Variants in PXDN observed in about 807,000 individuals in gnomAD.
The protein encoded by PXDN is peroxidasin homolog.
A neutral mutation model predicts 140.3 loss-of-function variants in PXDN; 77 were observed. The observed-to-expected ratio is 0.55, with a 90% CI of 0.46 to 0.66. The LOEUF is 0.66. Ranked by LOEUF, PXDN falls within the 30% of genes least tolerant of loss-of-function variation. The pLI, the probability that PXDN is intolerant of heterozygous loss-of-function variation, is 0.00. For missense variants in PXDN, 1,838 were observed against 2,039.5 expected, an observed-to-expected ratio of 0.90 and a Z score of 1.90; for synonymous variants, 911 against 857.4, an observed-to-expected ratio of 1.06 and a Z score of -1.09.
chr2:1,705,975 C>T (rs1289797234), intron 1 of PXDN, among the ~76,000 whole-genome samples: 2 of 145,528 alleles, frequency 1.4e-5, no homozygotes, highest in Non-Finnish European at 3.0e-5. Context: ...CAGGCCCTGC[C>T]GCTCAGGCAT....
intron 19 of PXDN, 67 bp downstream of exon 19, chr2:1,643,301 G>A: frequency 6.8e-7 from 1 of 1,474,620 alleles, no homozygotes. Context: ...AGGTCATTAA[G>A]CACCCGCCAA....
At chr2:1,657,633 G>C (rs113808354) in intron 14 of PXDN, among the ~76,000 whole-genome samples, 1,493 of 149,116 alleles carry the variant, frequency 0.01, 22 homozygotes, top group African/African-American at 0.035. Flanking sequence ...TACTGACAAG[G>C]AACTACCCTC....
rs1684852664 is a variant in PXDN at position 1,714,500 on chromosome 2, C to G, written c.201-21366G>C. On this transcript the variant is annotated intron_variant, in intron 1 of 22. Transcript: ENST00000252804. This position sits in a 1 kb window ranked among gnomAD's most constrained non-coding sequence, Gnocchi z 4.3. ...TCCTCGCCCAGCAATGACCGCGGGTCCACGCTCAGGGAAATGCCCCTCCCA... is the reference window on the plus strand; with the variant it reads ...TCCTCGCCCAGCAATGACCGCGGGTGCACGCTCAGGGAAATGCCCCTCCCA... Among the ~76,000 whole-genome samples, 1 of 152,154 alleles carries G rather than the reference C, an allele frequency of 6.6e-6. No individual in the cohort carries two copies. Among genetic ancestry groups the G allele is most frequent in the Non-Finnish European group, 1.5e-5 (1 of 68,036 alleles).
At chr2:1,670,815 C>T (rs542423098) in intron 9 of PXDN, among the ~76,000 whole-genome samples, 3 of 152,272 alleles carry the variant, frequency 2.0e-5, no homozygotes, top group Non-Finnish European at 4.4e-5. Context: ...AGTGCTGTGC[C>T]CTCGGCATGA....
intron 1 of PXDN, among the ~76,000 whole-genome samples, chr2:1,708,239 C>T (rs1283441135): frequency 6.6e-6 from 1 of 152,242 alleles, no homozygotes; most frequent in Non-Finnish European, 1.5e-5. Context: ...TGCCATTGTT[C>T]TGCAATTAGT....
intron 9 of PXDN, among the ~76,000 whole-genome samples, chr2:1,669,543 A>T (rs570234696): frequency 1.3e-5 from 2 of 152,354 alleles, no homozygotes; most frequent in South Asian, 4.1e-4. Flanking sequence ...CATATGTCCA[A>T]ATAAATTTTT....
chr2:1,660,470 G>A lies in PXDN; in HGVS notation c.1837+411C>T, dbSNP rs556907032. On this transcript the variant is annotated intron_variant, in intron 14 of 22. Coordinates refer to ENST00000252804, the MANE Select transcript of PXDN (RefSeq NM_012293.3). This position sits in a 1 kb window ranked among gnomAD's most constrained non-coding sequence, Gnocchi z 4.6. ...TCCAGAGCATTCCTGGCCAAAGCCCGAGGAGAGAGAAACCGCAGCTAAGGA... is the reference window on the plus strand; with the variant it reads ...TCCAGAGCATTCCTGGCCAAAGCCCAAGGAGAGAGAAACCGCAGCTAAGGA... 5.9e-5 allele frequency among the ~76,000 whole-genome samples: 9 copies of A among 152,316 alleles called. No individual in the cohort carries two copies. Among genetic ancestry groups the A allele is most frequent in the Admixed American group, 2.0e-4 (3 of 15,302 alleles).
intron 1 of PXDN, among the ~76,000 whole-genome samples, chr2:1,713,961 T>A (rs1416454089): frequency 6.6e-6 from 1 of 152,254 alleles, no homozygotes; most frequent in African/African-American, 2.4e-5. Flanking sequence ...CAGGCTCTCC[T>A]GTGCGGGCCA....
intron 1 of PXDN, among the ~76,000 whole-genome samples, chr2:1,720,285 G>GAGAGAGAGAGGGAGGGAGGGATGC: frequency 7.2e-6 from 1 of 138,012 alleles, no homozygotes; most frequent in Non-Finnish European, 1.5e-5. Context: ...GGGATGCAGA[G>GAGAGAGAGAGGGAGGGAGGGATGC]AGAGAGAGAG....
chr2:1,635,359 C>T (rs1397274978), intron 22 of PXDN, 49 bp downstream of exon 22: 2 of 1,496,754 alleles, frequency 1.3e-6, no homozygotes, highest in Non-Finnish European at 9.1e-7. Flanking sequence ...ATGGGACTCT[C>T]GGACTTGCGT....
At position 1,684,113 on chromosome 2, in the gene PXDN, T is replaced by G; in HGVS notation, c.455A>C (p.Asp152Ala). ...GAGCTTCGGGAGATGCTGGAACGAATCTGGGTCCAAAGTTTCTATCTGATT... is the reference window on the plus strand; with the variant it reads ...GAGCTTCGGGAGATGCTGGAACGAAGCTGGGTCCAAAGTTTCTATCTGATT... ...HFNQIETLDP[D>A]SFQHLPKLER... Residue 152 changes from aspartate to alanine, a missense_variant, in exon 5 of 23, where the codon GAT (aspartate) becomes GCT (alanine). Physicochemically the swap from Asp to Ala is moderately radical, Grantham distance 126 (BLOSUM62 -2). This residue lies in a region of PXDN where 231 missense variants were observed against 201.5 expected (regional missense o/e 1.15). Transcript: ENST00000252804. 1 of 1,588,092 alleles carries G rather than the reference T, an allele frequency of 6.3e-7. No individual in the cohort carries two copies. The highest frequency in any genetic ancestry group is 8.6e-7 in the Non-Finnish European group (1 of 1,166,580).
Position 1,684,159 on chromosome 2 carries a change from A to C in PXDN, c.417-8T>G. The C allele has an allele frequency of 6.4e-7, 1 of 1,561,606 alleles. No individual in the cohort carries two copies. The highest frequency in any genetic ancestry group is 8.7e-7 in the Non-Finnish European group (1 of 1,151,852). ...TGATTAAAGTGCAGGTATCTAGAGGAGTTAAAAGAAAAAAAAGTATAACTT... is the reference window on the plus strand; with the variant it reads ...TGATTAAAGTGCAGGTATCTAGAGGCGTTAAAAGAAAAAAAAGTATAACTT... On this transcript the variant is annotated splice_polypyrimidine_tract_variant and splice_region_variant and intron_variant, in intron 4 of 22. Coordinates refer to ENST00000252804, the MANE Select transcript of PXDN (RefSeq NM_012293.3).
Position 1,649,161 on chromosome 2 carries a change from G to C in PXDN, c.2619C>G (p.Ala873=). ...PPNDSRARSG[A]RCMFFVRSSP... is the part of the protein sequence containing the mutation. ...TGGAGCGCACGAAGAACATGCAGCG[G>C]GCCCCGCTCCTGGCCCGGGAGTCAT... is the stretch of plus-strand genomic sequence containing the variant. The change falls in exon 17 of 23, where the codon GCC becomes GCG. Residue 873 remains alanine (A), a synonymous_variant. Transcript: ENST00000252804. The surrounding 1 kb of genome is among the most constrained non-coding windows in gnomAD (Gnocchi z 7.1). 1 of 1,609,374 alleles carries C rather than the reference G, an allele frequency of 6.2e-7. No individual in the cohort carries two copies. The highest frequency in any genetic ancestry group is 8.5e-7 in the Non-Finnish European group (1 of 1,177,966).
At position 1,714,049 on chromosome 2, in the gene PXDN, T is replaced by C. The variant is rs891851154; in HGVS notation, c.201-20915A>G. ...CCAGCCTGGGCAACCTACGATAATA[T>C]TGGCACTGGCGGCTTTGGAAATGGC... On this transcript the variant is annotated intron_variant, in intron 1 of 22. Coordinates refer to ENST00000252804, the MANE Select transcript of PXDN (RefSeq NM_012293.3). The surrounding 1 kb of genome is among the most constrained non-coding windows in gnomAD (Gnocchi z 4.3). Among the ~76,000 whole-genome samples the C allele has an allele frequency of 7.2e-5, 11 of 152,284 alleles. No homozygotes were observed. The highest frequency in any genetic ancestry group is 6.2e-4 in the South Asian group (3 of 4,828).
At chr2:1,666,585 C>G in intron 9 of PXDN, 99 bp from the exon 10 acceptor site, 1 of 1,361,022 alleles carries the variant, frequency 7.3e-7, no homozygotes, top group South Asian at 1.5e-5. Flanking sequence ...TATTTACCAC[C>G]GAAATAGGCA....
At chr2:1,655,222 C>T (rs1237424968) in intron 14 of PXDN, among the ~76,000 whole-genome samples, 26 of 151,244 alleles carry the variant, frequency 1.7e-4, no homozygotes, top group Admixed American at 1.7e-3. Flanking sequence ...ACACATACCA[C>T]ACACAATCAC....
In PXDN at chr2:1,649,608, G is replaced by C. The variant is rs368483848; in HGVS notation, c.2172C>G (p.Thr724=). The C allele has an allele frequency of 5.0e-6, 8 of 1,613,888 alleles. No individual in the cohort carries two copies. In the Admixed American group the frequency reaches 8.3e-5, roughly 17 times the overall value. The change falls in exon 17 of 23, where the codon ACC becomes ACG. Residue 724 remains threonine (T), a synonymous_variant. Transcript: ENST00000252804. This position sits in a 1 kb window ranked among gnomAD's most constrained non-coding sequence, Gnocchi z 7.1. ...LNLIANLSGC[T]AHRRVNNCSD... ...AGCAGTTGTTCACGCGCCGGTGGGCGGTACAGCCCGACAGGTTTGCGATGA... is the reference window on the plus strand; with the variant it reads ...AGCAGTTGTTCACGCGCCGGTGGGCCGTACAGCCCGACAGGTTTGCGATGA...
In PXDN at chr2:1,648,333, C is replaced by A. The variant is rs1285433649; in HGVS notation, c.3447G>T (p.Thr1149=). The A allele has an allele frequency of 6.2e-7, 1 of 1,613,704 alleles. No homozygotes were observed. The highest frequency in any genetic ancestry group is 8.5e-7 in the Non-Finnish European group (1 of 1,179,908). The change falls in exon 17 of 23, where the codon ACG becomes ACT. Residue 1149 remains threonine (T), a synonymous_variant. Coordinates refer to ENST00000252804, the MANE Select transcript of PXDN (RefSeq NM_012293.3). This position sits in a 1 kb window ranked among gnomAD's most constrained non-coding sequence, Gnocchi z 8.9. ...TGATGGCCGCCAGGTCCAGAGCCAC[C>A]GTGTGTGCCATGGAGAACAGCCGCT... ...LTERLFSMAH[T]VALDLAAINI...
rs1682957701 is a variant in PXDN, at chr2:1,649,434, G to T, written c.2346C>A (p.Asn782Lys). Residue 782 changes from asparagine to lysine, a missense_variant, in exon 17 of 23, where the codon AAC (asparagine) becomes AAA (lysine). By Grantham distance (94) the Asn-to-Lys change is moderately conservative (BLOSUM62 0). This residue lies in a region of PXDN where 537 missense variants were observed against 583.9 expected (regional missense o/e 0.92). Coordinates refer to ENST00000252804, the MANE Select transcript of PXDN (RefSeq NM_012293.3). The surrounding 1 kb of genome is among the most constrained non-coding windows in gnomAD (Gnocchi z 7.1). ...CGTGCCCGTTGTACAGTCGGTGGGGGTTGATGCCCCGAGGGGTGTTGAAGC... is the reference window on the plus strand; with the variant it reads ...CGTGCCCGTTGTACAGTCGGTGGGGTTTGATGCCCCGAGGGGTGTTGAAGC... ...ENGFNTPRGI[N>K]PHRLYNGHAL... 1.2e-6 allele frequency: 2 copies of T among 1,613,868 alleles called. No homozygotes were observed. Among genetic ancestry groups the T allele is most frequent in the Non-Finnish European group, 8.5e-7 (1 of 1,179,902 alleles).
Sources: gnomAD v4.1 joint callset for allele counts (sites outside exome capture counted in the v4.1 genomes callset) on GRCh38, gnomAD v4.1.1 for gene constraint, gnomAD v4.1.1 regional missense constraint, Gnocchi (gnomAD v3.1) non-coding constraint, MANE v1.5 for transcripts, NCBI Gene and HGNC (gene_info 2026-07-23, HGNC 2026-07-21) for gene names.